The following ENPP6 variants were observed in gnomAD, a reference collection of about 807,000 sequenced individuals.
ENPP6 encodes the protein glycerophosphocholine cholinephosphodiesterase ENPP6.
ENPP6 carries 32 observed loss-of-function variants against 42.0 expected under a neutral mutation model. The observed-to-expected ratio is 0.76, with a 90% CI of 0.58 to 1.02. The LOEUF (loss-of-function observed/expected upper bound fraction) is 1.02. Among genes scored for constraint, ENPP6 ranks in the 50% least tolerant of loss-of-function variants. The pLI is 0.00. For missense variants in ENPP6, 552 were observed against 566.8 expected (o/e 0.97, Z 0.27); for synonymous variants, 213 against 216.0 (o/e 0.99, Z 0.12).
At chr4:184,157,825 G>A (rs185794145) in intron 1 of ENPP6, among the ~76,000 whole-genome samples, 122 of 118,840 alleles carry the variant, frequency 1.0e-3, no homozygotes, top group Middle Eastern at 6.8e-3. Flanking sequence ...TTGCCATGTT[G>A]CCAAGGTTGG....
chr4:184,097,437 AGCCGCCACTCCACC>A, intron 6 of ENPP6, 69 bp from the exon 7 acceptor site: 1 of 1,588,858 alleles, frequency 6.3e-7, no homozygotes, highest in Non-Finnish European at 8.6e-7. Flanking sequence ...ATCTGCTCCA[AGCCGCCACTCCACC>A]GGGGGGCGCT....
intron 6 of ENPP6, among the ~76,000 whole-genome samples, chr4:184,108,399 G>A (rs946349993): frequency 3.3e-5 from 5 of 152,186 alleles, no homozygotes; most frequent in Non-Finnish European, 7.3e-5. Flanking sequence ...TACCATTTGG[G>A]GAGAAGTTTA....
At chr4:184,117,364 C>T (rs1163397253) in intron 4 of ENPP6, among the ~76,000 whole-genome samples, 1 of 152,146 alleles carries the variant, frequency 6.6e-6, no homozygotes, top group Non-Finnish European at 1.5e-5. Context: ...TACAGATGTA[C>T]AGGATAAAGC....
At chr4:184,120,856 T>C (rs1025007007) in intron 3 of ENPP6, among the ~76,000 whole-genome samples, 1 of 152,060 alleles carries the variant, frequency 6.6e-6, no homozygotes, top group African/African-American at 2.4e-5. Context: ...TTTCAGGGTG[T>C]CTTAGAGGTG....
chr4:184,209,945 G>A (rs1470863784), intron 1 of ENPP6, among the ~76,000 whole-genome samples: 4 of 140,134 alleles, frequency 2.9e-5, no homozygotes, highest in Non-Finnish European at 6.1e-5. Context: ...CATTCTTAAA[G>A]AAAAGAATTT....
chr4:184,157,475 CCTTT>C (rs944291141), intron 1 of ENPP6, among the ~76,000 whole-genome samples: 6 of 145,000 alleles, frequency 4.1e-5, no homozygotes, highest in Admixed American at 1.4e-4. Flanking sequence ...TCCTTCCTTT[CCTTT>C]CTTTCCTTCC....
chr4:184,107,981 C>A (rs1399224351), intron 6 of ENPP6, among the ~76,000 whole-genome samples: 1 of 151,984 alleles, frequency 6.6e-6, no homozygotes, highest in Non-Finnish European at 1.5e-5. Flanking sequence ...TCTAAGAAAT[C>A]CTAAGAAAAA....
At chr4:184,153,246 C>G (rs1461832744) in intron 2 of ENPP6, among the ~76,000 whole-genome samples, 1 of 151,984 alleles carries the variant, frequency 6.6e-6, no homozygotes, top group Admixed American at 6.6e-5. Context: ...CTGTCTCAGC[C>G]TCCCGAGTAG....
intron 1 of ENPP6, among the ~76,000 whole-genome samples, chr4:184,174,165 T>C (rs1191836107): frequency 2.1e-5 from 3 of 144,594 alleles, no homozygotes; most frequent in African/African-American, 7.7e-5. Flanking sequence ...CGAGACGGAA[T>C]CTCACTCTGT....
chr4:184,174,506 G>A (rs1737529452), intron 1 of ENPP6, among the ~76,000 whole-genome samples: 1 of 152,044 alleles, frequency 6.6e-6, no homozygotes, highest in African/African-American at 2.4e-5. Flanking sequence ...TCTACTCTCT[G>A]TGAGCACTGT....
intron 1 of ENPP6, among the ~76,000 whole-genome samples, chr4:184,194,158 T>C (rs1732756440): frequency 6.6e-6 from 1 of 152,188 alleles, no homozygotes; most frequent in Admixed American, 6.5e-5. Context: ...CACTCCTCGG[T>C]CAGCATCTCC....
intron 1 of ENPP6, among the ~76,000 whole-genome samples, chr4:184,210,237 T>A (rs1733086154): frequency 6.8e-6 from 1 of 147,688 alleles, no homozygotes; most frequent in Admixed American, 6.7e-5. Flanking sequence ...CACATAACAA[T>A]ATTAACTTTA....
chr4:184,158,828 CT>C (rs907713835), intron 1 of ENPP6, among the ~76,000 whole-genome samples: 2 of 152,094 alleles, frequency 1.3e-5, no homozygotes, highest in Non-Finnish European at 2.9e-5. Flanking sequence ...TTTTTCACAA[CT>C]TTTTTCTTCA....
At chr4:184,199,403 G>T (rs776951600) in intron 1 of ENPP6, among the ~76,000 whole-genome samples, 42 of 152,308 alleles carry the variant, frequency 2.8e-4, no homozygotes, top group Non-Finnish European at 2.5e-4. Flanking sequence ...CAATATTTGA[G>T]GTTTTCTCCC....
chr4:184,102,121 A>G (rs527284211), intron 6 of ENPP6, among the ~76,000 whole-genome samples: 4 of 152,364 alleles, frequency 2.6e-5, no homozygotes, highest in African/African-American at 9.6e-5. Flanking sequence ...ATTAAAATGA[A>G]AAGAAAATGC....
At chr4:184,209,331 A>G (rs997209575) in intron 1 of ENPP6, among the ~76,000 whole-genome samples, 6 of 147,784 alleles carry the variant, frequency 4.1e-5, no homozygotes, top group South Asian at 2.1e-4. Context: ...GAAGTTGAAA[A>G]CTTTGAAAAA....
chr4:184,154,455 A>G (rs1392876350), intron 1 of ENPP6, among the ~76,000 whole-genome samples: 1 of 152,180 alleles, frequency 6.6e-6, no homozygotes, highest in Admixed American at 6.5e-5. Context: ...TAACACAAAC[A>G]TTGGCAAGTG....
At chr4:184,112,468 C>A in intron 6 of ENPP6, 1 of 597,012 alleles carries the variant, frequency 1.7e-6, no homozygotes, top group South Asian at 2.6e-5. Flanking sequence ...AAGTCTAAAC[C>A]ATGACTCTGG....
At chr4:184,167,785 G>C (rs530541803) in intron 1 of ENPP6, among the ~76,000 whole-genome samples, 1 of 152,154 alleles carries the variant, frequency 6.6e-6, no homozygotes, top group African/African-American at 2.4e-5. Context: ...CACAGCAGCC[G>C]CAGCTGGTTT....
Sources: gnomAD v4.1 joint callset for allele counts (sites outside exome capture counted in the v4.1 genomes callset) on GRCh38, gnomAD v4.1.1 for gene constraint, MANE v1.5 for transcripts, NCBI Gene and HGNC (gene_info 2026-07-23, HGNC 2026-07-21) for gene names.